CYBA: variants seen among roughly 807,000 people sequenced by gnomAD.
CYBA encodes the protein cytochrome b-245 alpha chain, also known as cytochrome b-245 light chain.
CYBA carries 21 observed loss-of-function variants against 20.8 expected under a neutral mutation model. The observed-to-expected ratio is 1.01, with a 90% CI of 0.72 to 1.46. The LOEUF is 1.46. Among genes scored for constraint, CYBA ranks in the 40% most tolerant of loss-of-function variants. The probability of loss-of-function intolerance (pLI) is 0.00; values close to 1 mark genes in which losing one functional copy is unlikely to be tolerated. For synonymous variants in CYBA, 164 were observed against 127.5 expected (o/e 1.29, Z -1.93); for missense variants, 344 against 287.0 (o/e 1.20, Z -1.43).
chr16:88,647,015 G>C, intron 3 of CYBA, 86 bp downstream of exon 3: 1 of 1,354,362 alleles, frequency 7.4e-7, no homozygotes, highest in Middle Eastern at 1.8e-4. Flanking sequence ...GAGCCTCCAA[G>C]TGAGAAACCA....
rs200876803 is a variant in CYBA at position 88,646,197 on chromosome 16, C to T, written c.288G>A (p.Leu96=). Residue 96 remains leucine, a splice_region_variant and synonymous_variant, in exon 5 of 6, where the codon CTG becomes CTA. Coordinates refer to ENST00000261623, the MANE Select transcript of CYBA (RefSeq NM_000101.4). ...NYYVRAVLHL[L]LSVPAGFLLA... is the part of the protein sequence containing the mutation. ...GCAGGAAGCCGGCGGGCACCGAGAG[C>T]CTGGGGGACAGCGGGTGAGAGGCAG... 7 of 1,527,608 alleles carry T rather than the reference C, an allele frequency of 4.6e-6. No homozygotes were observed. In the African/African-American group the frequency reaches 5.8e-5, roughly 13 times the overall value. 94.6% of individuals were successfully genotyped at this position (1,527,608 alleles called of 1,614,324 possible).
chr16:88,644,176 T>C (rs566408658), intron 5 of CYBA, among the ~76,000 whole-genome samples: 1 of 152,310 alleles, frequency 6.6e-6, no homozygotes, highest in Non-Finnish European at 1.5e-5. Flanking sequence ...TATCCCATAA[T>C]ATCTGGTGGA....
chr16:88,645,438 A>G (rs959263110), intron 5 of CYBA: 4 of 701,698 alleles, frequency 5.7e-6, no homozygotes, highest in Non-Finnish European at 7.8e-6. Flanking sequence ...CTCTATGGAC[A>G]AAAGGATTTA....
intron 5 of CYBA, among the ~76,000 whole-genome samples, chr16:88,644,026 C>A (rs1907187567): frequency 6.6e-6 from 1 of 152,120 alleles, no homozygotes; most frequent in African/African-American, 2.4e-5. Context: ...GGCATTTCTG[C>A]ACATGGGGGT....
chr16:88,647,990 C>T, intron 2 of CYBA, 55 bp downstream of exon 2: 1 of 1,532,942 alleles, frequency 6.5e-7, no homozygotes, highest in Admixed American at 1.8e-5. Flanking sequence ...TGAAGTGGCT[C>T]CCCAGCTCTG....
chr16:88,648,107 G>A lies in CYBA; in HGVS notation c.66C>T (p.Ile22=). The A allele has an allele frequency of 6.2e-7, 1 of 1,611,866 alleles. No homozygotes were observed. The highest frequency in any genetic ancestry group is 8.5e-7 in the Non-Finnish European group (1 of 1,179,550). ...CAGCTGTGGCCACGATGCCCCCGGT[G>A]ATGAGGACTGCGGGGAGAAGTGGGT... ...EQALASGLIL[I]TGGIVATAGR... Residue 22 remains isoleucine, a synonymous_variant, in exon 2 of 6, where the codon ATC becomes ATT. Transcript: ENST00000261623.
In CYBA at chr16:88,643,697, G is replaced by GTGAC; in HGVS notation, c.370-130_370-127dup. 2.2e-6 allele frequency: 2 copies of GTGAC among 915,656 alleles called. No individual in the cohort carries two copies. Among genetic ancestry groups the GTGAC allele is most frequent in the South Asian group, 3.0e-5 (2 of 67,502 alleles). 56.7% of individuals were successfully genotyped at this position (915,656 alleles called of 1,614,324 possible). On this transcript the variant is annotated intron_variant, in intron 5 of 5. Coordinates refer to ENST00000261623, the MANE Select transcript of CYBA (RefSeq NM_000101.4). The surrounding 1 kb of genome is among the most constrained non-coding windows in gnomAD (Gnocchi z 4.3). The stretch of plus-strand genomic sequence containing the variant: ...AAGTCTGAATCCCACGCAGGATGGT[G>GTGAC]TGACTGCCACTCAGAGAGGTTAAGT...
intron 1 of CYBA, among the ~76,000 whole-genome samples, chr16:88,649,577 G>A (rs1053572099): frequency 3.9e-5 from 6 of 152,212 alleles, no homozygotes; most frequent in African/African-American, 1.4e-4. Context: ...GGGGCTGCAC[G>A]GTCTGGAAGG....
intron 1 of CYBA, chr16:88,650,586 G>T (rs1907479983): frequency 2.0e-6 from 1 of 509,858 alleles, no homozygotes; most frequent in African/African-American, 1.9e-5. Flanking sequence ...TTCTCCCGAT[G>T]CCCAGGCCGG....
In CYBA at chr16:88,643,376, G is replaced by A; in HGVS notation, c.565C>T (p.Pro189Ser). 2 of 1,532,436 alleles carry A rather than the reference G, an allele frequency of 1.3e-6. No homozygotes were observed. Among genetic ancestry groups the A allele is most frequent in the Non-Finnish European group, 8.8e-7 (1 of 1,142,004 alleles). 94.9% of individuals were successfully genotyped at this position (1,532,436 alleles called of 1,614,324 possible). Residue 189 changes from proline to serine, a missense_variant, in exon 6 of 6, where the codon CCG becomes TCG. Coordinates refer to ENST00000261623, the MANE Select transcript of CYBA (RefSeq NM_000101.4). The surrounding 1 kb of genome is among the most constrained non-coding windows in gnomAD (Gnocchi z 4.3). ...PPGGPQVNPI[P>S]VTDEVV Reference sequence around the variant, plus strand: ...GGTCACACGACCTCGTCGGTCACCGGGATGGGGTTGACCTGGGGACCTCCC... The same window carrying A: ...GGTCACACGACCTCGTCGGTCACCGAGATGGGGTTGACCTGGGGACCTCCC...
chr16:88,645,784 C>T (rs980355213), intron 5 of CYBA: 11 of 539,598 alleles, frequency 2.0e-5, no homozygotes, highest in East Asian at 3.1e-5. Flanking sequence ...GCACGGTCTT[C>T]GGCCGGCTGC....
chr16:88,650,438 C>T (rs530097678), intron 1 of CYBA: 3 of 458,486 alleles, frequency 6.5e-6, no homozygotes, highest in East Asian at 1.4e-4. Flanking sequence ...GTGGTTTCGG[C>T]GCCTTGTGAA....
intron 1 of CYBA, 54 bp from the exon 2 acceptor site, chr16:88,648,168 C>A: frequency 6.5e-7 from 1 of 1,538,188 alleles, no homozygotes; most frequent in Non-Finnish European, 8.8e-7. Context: ...GGGGCCTGGG[C>A]CACCCCCCTT....
intron 2 of CYBA, 27 bp from the exon 3 acceptor site, chr16:88,647,202 C>A: frequency 6.2e-7 from 1 of 1,607,952 alleles, no homozygotes; most frequent in Non-Finnish European, 8.5e-7. Context: ...AAGGAACAGC[C>A]CAGCTCAGCC....
chr16:88,649,348 G>A (rs887185434), intron 1 of CYBA, among the ~76,000 whole-genome samples: 14 of 152,218 alleles, frequency 9.2e-5, no homozygotes, highest in African/African-American at 2.7e-4. Flanking sequence ...GAGGAGGGGA[G>A]GGCAGTGTCC....
At chr16:88,648,740 C>G (rs2142878604) in intron 1 of CYBA, among the ~76,000 whole-genome samples, 1 of 151,496 alleles carries the variant, frequency 6.6e-6, no homozygotes, top group South Asian at 2.1e-4. Flanking sequence ...GCCTCAGCCT[C>G]CTGAGTAGCT....
Position 88,648,151 on chromosome 16 carries a change from C to T in CYBA, c.59-37G>A, listed in dbSNP as rs2306422. On this transcript the variant is annotated intron_variant, in intron 1 of 5. Transcript: ENST00000261623. ...AGTGGGTCAGGCACTGTGGGGCTCC[C>T]GTCCCGGGGGCCTGGGCCACCCCCC... 962,803 of 1,587,932 alleles carry T rather than the reference C, an allele frequency of 0.61. 300,807 individuals are homozygous for T. The highest frequency in any genetic ancestry group is 0.65 in the Non-Finnish European group (758,972 of 1,168,566).
intron 1 of CYBA, chr16:88,650,146 C>G: frequency 3.0e-6 from 1 of 337,388 alleles, no homozygotes; most frequent in South Asian, 2.2e-5. Context: ...TCCTCCTCAC[C>G]CTCAGCCCCC....
chr16:88,649,131 G>A (rs573767041), intron 1 of CYBA, among the ~76,000 whole-genome samples: 4 of 147,786 alleles, frequency 2.7e-5, no homozygotes, highest in South Asian at 4.3e-4. Context: ...TAGAGACGGG[G>A]TTTCACTGTG....
Sources: gnomAD v4.1 joint callset for allele counts (sites outside exome capture counted in the v4.1 genomes callset) on GRCh38, gnomAD v4.1.1 for gene constraint, Gnocchi (gnomAD v3.1) non-coding constraint, MANE v1.5 for transcripts, NCBI Gene and HGNC (gene_info 2026-07-23, HGNC 2026-07-21) for gene names.